NBN: variants seen among roughly 807,000 people sequenced by gnomAD.
NBN encodes nibrin, also known as Nijmegen breakage syndrome 1 (nibrin).
In NBN, 88 loss-of-function variants were observed where a neutral mutation model predicts 90.8. The observed-to-expected ratio is 0.97, with a 90% confidence interval of 0.82 to 1.16. The LOEUF (loss-of-function observed/expected upper bound fraction) is 1.16. NBN is among the 50% of genes most tolerant of loss of function. The pLI, the probability that NBN is intolerant of heterozygous loss-of-function variation, is 0.00. For missense variants in NBN, 894 were observed against 869.6 expected, an observed-to-expected ratio of 1.03 and a Z score of -0.35; for synonymous variants, 328 against 295.1, an observed-to-expected ratio of 1.11 and a Z score of -1.14.
At chr8:89,961,496 A>C (rs72669991) in intron 8 of NBN, among the ~76,000 whole-genome samples, 1 of 152,288 alleles carries the variant, frequency 6.6e-6, no homozygotes, top group Non-Finnish European at 1.5e-5. Context: ...GACTTGGAGG[A>C]GTTGGGAGTG....
chr8:89,982,884 T>C (rs1321911172), intron 1 of NBN, 29 bp from the exon 2 acceptor site: 1 of 1,604,080 alleles, frequency 6.2e-7, no homozygotes, highest in African/African-American at 1.3e-5. Context: ...TAAAAAAAGA[T>C]AAGTTGATAG....
intron 14 of NBN, among the ~76,000 whole-genome samples, chr8:89,939,896 T>C (rs1223987110): frequency 6.6e-6 from 1 of 152,148 alleles, no homozygotes; most frequent in Admixed American, 6.5e-5. Flanking sequence ...GTATAGGACA[T>C]TTAATTAAAA....
At position 89,982,802 on chromosome 8, in the gene NBN, A is replaced by G. The variant is rs876658553; in HGVS notation, c.91T>C (p.Cys31Arg). The G allele has an allele frequency of 1.2e-6, 2 of 1,613,720 alleles. No homozygotes were observed. The highest frequency in any genetic ancestry group is 8.5e-7 in the Non-Finnish European group (1 of 1,179,674). The change falls in exon 2 of 16, where the codon TGT (cysteine) becomes CGT (arginine). Residue 31 changes from cysteine (C) to arginine (R), a missense_variant. By Grantham distance (180) the Cys-to-Arg change is radical. Coordinates refer to ENST00000265433, the MANE Select transcript of NBN (RefSeq NM_002485.5). The stretch of plus-strand genomic sequence containing the variant: ...TGATCATTTTCAATCAGAATGGCAC[A>G]GTTTTTCCTTCCAACAACGTACTCA... ...GVEYVVGRKN[C>R]AILIENDQSI...
chr8:89,966,984 C>A (rs1288252818), intron 7 of NBN, among the ~76,000 whole-genome samples: 5 of 152,174 alleles, frequency 3.3e-5, no homozygotes, highest in African/African-American at 1.2e-4. Context: ...TTAGCACTGA[C>A]TAAAACAGAA....
intron 5 of NBN, among the ~76,000 whole-genome samples, chr8:89,974,809 T>C (rs1410181275): frequency 6.6e-6 from 1 of 152,216 alleles, no homozygotes; most frequent in African/African-American, 2.4e-5. Context: ...AAATGGTCTG[T>C]GTAAAGGAGG....
chr8:89,935,306 G>A lies in NBN; in HGVS notation c.*276C>T, dbSNP rs1809617360. The A allele has an allele frequency of 1.6e-5, 6 of 378,028 alleles. No homozygotes were observed. The highest frequency in any genetic ancestry group is 6.8e-5 in the South Asian group (2 of 29,298). The allele number at this position is 378,028 out of a possible 1,614,324, so 23.4% of individuals were successfully genotyped here. A position where few individuals can be genotyped will look rare whatever the true frequency, so the allele number is the denominator to read the frequency against. ...AGGGTGACTTTAGTCTTTACCTTAC[G>A]TACATTTAGAATTTTGAACTGTGAC... On this transcript the variant is annotated 3_prime_UTR_variant, in exon 16 of 16. Transcript: ENST00000265433.
intron 7 of NBN, among the ~76,000 whole-genome samples, chr8:89,967,490 A>G (rs942507175): frequency 6.6e-6 from 1 of 152,222 alleles, no homozygotes; most frequent in African/African-American, 2.4e-5. Flanking sequence ...GGTGAACAAA[A>G]TAAATGTGTA....
In NBN at chr8:89,980,838, T is replaced by A. The variant is rs1484120047; in HGVS notation, c.376A>T (p.Thr126Ser). ...TGCAATATAGCTTGATTTAAAGCAG[T>A]TTTCCCAGAGACATCTAAACAAGAA... Reference protein sequence around the residue: ...CSSCLDVSGKTALNQAILQLG... With the variant: ...CSSCLDVSGKSALNQAILQLG... Residue 126 changes from threonine to serine, a missense_variant, in exon 4 of 16, where the codon ACT becomes TCT. Coordinates refer to ENST00000265433, the MANE Select transcript of NBN (RefSeq NM_002485.5). 2 of 1,612,458 alleles carry A rather than the reference T, an allele frequency of 1.2e-6. No homozygotes were observed. The highest frequency in any genetic ancestry group is 1.7e-6 in the Non-Finnish European group (2 of 1,178,802).
At chr8:89,979,459 T>C (rs555756228) in intron 4 of NBN, among the ~76,000 whole-genome samples, 150 of 152,320 alleles carry the variant, frequency 9.8e-4, no homozygotes, top group Admixed American at 1.4e-3. Context: ...ACATGTGACT[T>C]GGGAAATTAA....
intron 11 of NBN, among the ~76,000 whole-genome samples, chr8:89,952,555 C>T (rs1805811): frequency 0.042 from 6,327 of 152,236 alleles, 268 homozygotes; most frequent in East Asian, 0.19. Flanking sequence ...CTATAACTTC[C>T]GTTCACTTAA....
At chr8:89,946,004 A>T in intron 13 of NBN, 136 bp downstream of exon 13, 1 of 654,002 alleles carries the variant, frequency 1.5e-6, no homozygotes, top group Non-Finnish European at 2.6e-6. Flanking sequence ...TCCTTCCTAG[A>T]GGAATTTTTT....
chr8:89,982,531 T>G (rs1364441787), intron 2 of NBN, 191 bp downstream of exon 2: 3 of 598,748 alleles, frequency 5.0e-6, no homozygotes, highest in African/African-American at 1.9e-5. Context: ...AAACTTCAAA[T>G]CTCAAAATGA....
intron 13 of NBN, among the ~76,000 whole-genome samples, chr8:89,944,584 G>A (rs761156942): frequency 1.3e-5 from 2 of 151,920 alleles, no homozygotes; most frequent in African/African-American, 2.4e-5. Context: ...TCACCAACCC[G>A]CAAGTTGACC....
chr8:89,972,096 T>A lies in NBN; in HGVS notation c.585-806A>T, dbSNP rs570245299. Among the ~76,000 whole-genome samples, 4 of 152,214 alleles carry A rather than the reference T, an allele frequency of 2.6e-5. No homozygotes were observed. In the East Asian group the frequency reaches 7.7e-4, roughly 29 times the overall value. The stretch of plus-strand genomic sequence containing the variant: ...AGGGAGAAATTCACAACCTGGACAA[T>A]CAGTCACAAATCAAGAGTTAACTAT... On this transcript the variant is annotated intron_variant, in intron 5 of 15. Coordinates refer to ENST00000265433, the MANE Select transcript of NBN (RefSeq NM_002485.5).
intron 4 of NBN, among the ~76,000 whole-genome samples, chr8:89,979,341 TTG>T (rs1251943231): frequency 6.6e-5 from 10 of 152,272 alleles, no homozygotes; most frequent in East Asian, 5.8e-4. Flanking sequence ...CAGATTTAGA[TTG>T]TCTCTCAAGA....
intron 5 of NBN, among the ~76,000 whole-genome samples, chr8:89,972,031 T>C (rs1458439802): frequency 6.6e-6 from 1 of 152,124 alleles, no homozygotes; most frequent in Admixed American, 6.5e-5. Context: ...CAGTAAAAAT[T>C]ACTAACCCAT....
At chr8:89,962,534 A>G (rs1811039183) in intron 8 of NBN, among the ~76,000 whole-genome samples, 2 of 152,220 alleles carry the variant, frequency 1.3e-5, no homozygotes, top group Admixed American at 1.3e-4. Context: ...TCTCTTTGGC[A>G]TCCACATTTA....
chr8:89,981,201 C>CA (rs1812047546), intron 3 of NBN, among the ~76,000 whole-genome samples, 174 bp downstream of exon 3: 1 of 152,192 alleles, frequency 6.6e-6, no homozygotes, highest in Non-Finnish European at 1.5e-5. Flanking sequence ...CACTCAAACT[C>CA]TCATCACCGT....
At position 89,935,467 on chromosome 8, in the gene NBN, C is replaced by A; in HGVS notation, c.*115G>T. The A allele has an allele frequency of 8.3e-7, 1 of 1,207,108 alleles. No individual in the cohort carries two copies. 74.8% of individuals were successfully genotyped at this position (1,207,108 alleles called of 1,614,324 possible). ...TGCATTTTATTTAATAAATTTAGGC[C>A]ATAAAACATTGTAACTTAAATCGCT... On this transcript the variant is annotated 3_prime_UTR_variant, in exon 16 of 16. Coordinates refer to ENST00000265433, the MANE Select transcript of NBN (RefSeq NM_002485.5).
Sources: allele counts gnomAD v4.1 joint callset (sites outside exome capture counted in the v4.1 genomes callset), GRCh38; gene constraint gnomAD v4.1.1; transcripts MANE v1.5; gene names NCBI Gene and HGNC (gene_info 2026-07-23, HGNC 2026-07-21).